The following SLC9D1 variants were observed in gnomAD, a reference collection of about 807,000 sequenced individuals.
SLC9D1 encodes the protein putative LAG1-interacting protein.
At chr13:113,506,767 G>A in the SLC9D1 span, among the ~76,000 whole-genome samples, 1 of 152,144 alleles carries the variant, frequency 6.6e-6, no homozygotes, top group East Asian at 1.9e-4. Context: ...TTCATAGTTT[G>A]TATTTTTCTC....
the SLC9D1 span, chr13:113,495,555 C>T: frequency 6.6e-7 from 1 of 1,506,350 alleles, no homozygotes; most frequent in Non-Finnish European, 8.9e-7. Flanking sequence ...CCGTGGATTG[C>T]TGTGCCCTGC....
At chr13:113,498,490 T>C in the SLC9D1 span, 1 of 1,592,120 alleles carries the variant, frequency 6.3e-7, no homozygotes, top group Non-Finnish European at 8.5e-7. Flanking sequence ...GAGGAAGAGA[T>C]AGAGGAACAT....
the SLC9D1 span, chr13:113,503,499 A>T: frequency 6.2e-7 from 1 of 1,610,190 alleles, no homozygotes; most frequent in Non-Finnish European, 8.5e-7. Context: ...TTTTCAGTCT[A>T]TTGTGCAAGT....
the SLC9D1 span, among the ~76,000 whole-genome samples, chr13:113,493,973 C>T: frequency 6.6e-6 from 1 of 152,212 alleles, no homozygotes; most frequent in Non-Finnish European, 1.5e-5. Flanking sequence ...TCCAGAAATG[C>T]TGCCCTTACT....
the SLC9D1 span, among the ~76,000 whole-genome samples, chr13:113,541,148 C>T: frequency 8.5e-5 from 13 of 152,202 alleles, no homozygotes; most frequent in Non-Finnish European, 1.6e-4. Context: ...GCCTCCGGTG[C>T]CTCCAGCTTT....
chr13:113,492,438 A>AT, the SLC9D1 span, among the ~76,000 whole-genome samples: 1 of 152,206 alleles, frequency 6.6e-6, no homozygotes, highest in African/African-American at 2.4e-5. Context: ...ACCATAGTAT[A>AT]TGTGGGGAAT....
At chr13:113,506,180 GGAGCCTGTTACGGGTGGGGAGGGT>G in the SLC9D1 span, 10 of 92,868 alleles carry the variant, frequency 1.1e-4, no homozygotes, top group African/African-American at 5.9e-4. Flanking sequence ...TGTGGAGGAA[GGAGCCTGTTACGGGTGGGGAGGGT>G]AAGGGGGCGT....
the SLC9D1 span, chr13:113,547,172 G>A: frequency 1.7e-4 from 124 of 738,448 alleles, no homozygotes; most frequent in Non-Finnish European, 2.3e-4. Context: ...GCTTTCACAC[G>A]TGCACTTGGG....
At chr13:113,534,338 T>C in the SLC9D1 span, 19 of 1,016,906 alleles carry the variant, frequency 1.9e-5, no homozygotes, top group African/African-American at 2.3e-4. Flanking sequence ...TTAATAATGG[T>C]TAAAATATTT....
At chr13:113,523,058 G>A in the SLC9D1 span, among the ~76,000 whole-genome samples, 1 of 151,578 alleles carries the variant, frequency 6.6e-6, no homozygotes, top group African/African-American at 2.4e-5. Flanking sequence ...CCTTCAGTTT[G>A]CTAATTTATT....
chr13:113,530,444 ATATATATG>A, the SLC9D1 span: 1 of 152,314 alleles, frequency 6.6e-6, no homozygotes, highest in East Asian at 1.9e-4. Context: ...GACTAGAAAT[ATATATATG>A]TATATATAAC....
the SLC9D1 span, among the ~76,000 whole-genome samples, chr13:113,500,330 G>A: frequency 1.3e-5 from 2 of 152,106 alleles, no homozygotes; most frequent in Non-Finnish European, 2.9e-5. Flanking sequence ...TTTTTCTAAA[G>A]GAATAAGATA....
chr13:113,544,157 A>C, the SLC9D1 span, among the ~76,000 whole-genome samples: 2 of 152,246 alleles, frequency 1.3e-5, no homozygotes, highest in African/African-American at 4.8e-5. Flanking sequence ...ACTCCTCTGC[A>C]GGTCAGCCAC....
the SLC9D1 span, chr13:113,548,426 CGAAGAGCGGGCG>C: frequency 6.2e-7 from 1 of 1,611,238 alleles, no homozygotes; most frequent in South Asian, 1.1e-5. Context: ...GAGCCGGGCG[CGAAGAGCGGGCG>C]TCATCTCTCG....
At chr13:113,541,467 A>G in the SLC9D1 span, among the ~76,000 whole-genome samples, 1 of 137,360 alleles carries the variant, frequency 7.3e-6, no homozygotes. Context: ...ACGATCGCTG[A>G]TCACTGCCAT....
the SLC9D1 span, among the ~76,000 whole-genome samples, chr13:113,498,974 C>T: frequency 3.2e-4 from 49 of 152,172 alleles, no homozygotes; most frequent in African/African-American, 1.1e-3. Flanking sequence ...ACTCCATAGG[C>T]GAGCAGCCCT....
At chr13:113,548,068 C>G in the SLC9D1 span, among the ~76,000 whole-genome samples, 2 of 152,132 alleles carry the variant, frequency 1.3e-5, no homozygotes, top group South Asian at 4.1e-4. Flanking sequence ...TTATTTTCTG[C>G]TAATGAACCG....
the SLC9D1 span, among the ~76,000 whole-genome samples, chr13:113,533,167 T>TCC: frequency 1.7e-5 from 2 of 114,944 alleles, no homozygotes; most frequent in Non-Finnish European, 3.6e-5. Context: ...GCCTCCCTCC[T>TCC]GAAGTTGCAG....
the SLC9D1 span, among the ~76,000 whole-genome samples, chr13:113,493,940 C>T: frequency 6.6e-6 from 1 of 152,202 alleles, no homozygotes; most frequent in Admixed American, 6.5e-5. Flanking sequence ...GCTGCCATTT[C>T]ATGGTTTGGG....
Sources: allele counts gnomAD v4.1 joint callset (sites outside exome capture counted in the v4.1 genomes callset), GRCh38; gene constraint gnomAD v4.1.1; transcripts MANE v1.5; gene names NCBI Gene and HGNC (gene_info 2026-07-23, HGNC 2026-07-21).